CCND3: variants seen among roughly 807,000 people sequenced by gnomAD.
CCND3 encodes G1/S-specific cyclin-D3.
CCND3 carries 9 observed loss-of-function variants against 28.7 expected under a neutral mutation model. The observed-to-expected ratio is 0.31, with a 90% CI of 0.19 to 0.55. CCND3 has a LOEUF of 0.55. Ranked by LOEUF, CCND3 falls within the 20% of genes least tolerant of loss-of-function variation. CCND3 has a pLI of 0.93. For synonymous variants in CCND3, 164 were observed against 163.9 expected, an observed-to-expected ratio of 1.00 and a Z score of 0.00; for missense variants, 315 against 385.8, an observed-to-expected ratio of 0.82 and a Z score of 1.54.
intron 1 of CCND3, among the ~76,000 whole-genome samples, chr6:41,961,212 G>A (rs548844398): frequency 6.6e-6 from 1 of 152,222 alleles, no homozygotes; most frequent in East Asian, 1.9e-4. Context: ...GGTGGCTCAC[G>A]CCTGTAATCC....
chr6:41,949,788 C>T lies in CCND3; in HGVS notation c.-45-9203G>A, dbSNP rs186985563. On this transcript the variant is annotated intron_variant, in intron 1 of 4. Coordinates refer to the CCND3 transcript ENST00000372988. ...AGCCTGAAACTGTCAAGTCTCTCCTCATAAAATAAGAATACAACCTACAGG... is the reference window on the plus strand; with the variant it reads ...AGCCTGAAACTGTCAAGTCTCTCCTTATAAAATAAGAATACAACCTACAGG... Among the ~76,000 whole-genome samples the T allele has an allele frequency of 3.5e-3, 532 of 151,816 alleles. 2 individuals carry two copies. The highest frequency in any genetic ancestry group is 8.6e-3 in the Admixed American group (131 of 15,238).
At chr6:41,946,595 C>CAAAAA (rs35369019), upstream of CCND3, among the ~76,000 whole-genome samples, 373 of 20,920 alleles carry the variant, frequency 0.018, 98 homozygotes, top group African/African-American at 0.036. Flanking sequence ...AGACCTGTCT[C>CAAAAA]AAAAAAAAAA....
intron 1 of CCND3, among the ~76,000 whole-genome samples, chr6:42,021,749 T>G (rs1251781494): frequency 6.6e-6 from 1 of 152,152 alleles, no homozygotes; most frequent in Non-Finnish European, 1.5e-5. Context: ...CAGGATCTAT[T>G]AGATCTAGCT....
chr6:41,959,679 T>TAAAAAA (rs1761653032), intron 1 of CCND3, among the ~76,000 whole-genome samples: 2 of 147,120 alleles, frequency 1.4e-5, no homozygotes, highest in East Asian at 4.1e-4. Flanking sequence ...ACAGCAAGAC[T>TAAAAAA]AAATCAGGCC....
rs1247447245 is a variant in CCND3, at chr6:42,019,801, ATTTAG to A, written c.-46+28695_-46+28699del. Among the ~76,000 whole-genome samples, 8 of 152,260 alleles carry A rather than the reference ATTTAG, an allele frequency of 5.3e-5. No homozygotes were observed. The East Asian group carries it at 1.5e-3, about 29-fold the overall frequency. ...TATATTTATAATTACAATTTTTACT[ATTTAG>A]TTTAAAAGTTAAATCTAAAAATTAA... is the stretch of plus-strand genomic sequence containing the variant. On this transcript the variant is annotated intron_variant, in intron 1 of 4. Transcript: ENST00000372988.
chr6:42,049,117 C>A (rs913563821), upstream of CCND3: 4 of 158,960 alleles, frequency 2.5e-5, no homozygotes, highest in South Asian at 1.8e-4. Flanking sequence ...CTCACTGCAA[C>A]CTCCGCCTCC....
intron 1 of CCND3, among the ~76,000 whole-genome samples, chr6:42,027,166 G>A (rs995194741): frequency 2.6e-4 from 40 of 152,184 alleles, no homozygotes; most frequent in Admixed American, 1.3e-4. Flanking sequence ...TAGGCCGGGC[G>A]CGGTGGCTCA....
intron 1 of CCND3, among the ~76,000 whole-genome samples, chr6:42,018,759 C>T (rs900137040): frequency 2.6e-5 from 4 of 151,710 alleles, no homozygotes; most frequent in African/African-American, 9.7e-5. Context: ...GGTATGGTGG[C>T]ACATGCCTGT....
chr6:42,019,979 T>C (rs911647610), intron 1 of CCND3, among the ~76,000 whole-genome samples: 6 of 152,188 alleles, frequency 3.9e-5, no homozygotes, highest in East Asian at 1.9e-4. Context: ...AATCATCTTA[T>C]AATTTTTTTA....
intron 1 of CCND3, among the ~76,000 whole-genome samples, chr6:41,982,941 A>G (rs1328090483): frequency 6.6e-6 from 1 of 152,270 alleles, no homozygotes; most frequent in East Asian, 1.9e-4. Context: ...ACTAAGGTCA[A>G]CTAAAAATGG....
At chr6:41,970,032 C>T (rs1238021013) in intron 1 of CCND3, among the ~76,000 whole-genome samples, 1 of 151,828 alleles carries the variant, frequency 6.6e-6, no homozygotes, top group South Asian at 2.1e-4. Flanking sequence ...AGCAGGACCT[C>T]GTATCTAAGA....
intron 1 of CCND3, chr6:41,940,833 C>T (rs1582088446): frequency 2.8e-6 from 3 of 1,080,444 alleles, no homozygotes; most frequent in East Asian, 2.4e-5. Flanking sequence ...CCCTTGCTCA[C>T]GGAGGATTCC....
rs577461402 is a variant in CCND3 at position 41,939,713 on chromosome 6, G to C, written c.414+657C>G. Among the ~76,000 whole-genome samples the C allele has an allele frequency of 1.3e-5, 2 of 152,286 alleles. No individual in the cohort carries two copies. Among genetic ancestry groups the C allele is most frequent in the African/African-American group, 2.4e-5 (1 of 41,546 alleles). On this transcript the variant is annotated intron_variant, in intron 2 of 4. Transcript: ENST00000372991. This position sits in a 1 kb window ranked among gnomAD's most constrained non-coding sequence, Gnocchi z 4.2. ...CCCTCAGCTTGGGCCTTGGGCTAAG[G>C]GGGGAAGAGGGAGCTGTTTCCACCA...
At chr6:42,018,426 A>G (rs942938051) in intron 1 of CCND3, 2 of 151,962 alleles carry the variant, frequency 1.3e-5, no homozygotes, top group African/African-American at 4.8e-5. Context: ...GGAACGCTTC[A>G]CGAATTTGCA....
chr6:42,026,473 G>T (rs1763879849), intron 1 of CCND3, among the ~76,000 whole-genome samples: 2 of 152,072 alleles, frequency 1.3e-5, no homozygotes, highest in Admixed American at 1.3e-4. Context: ...GGGGGTTCTG[G>T]TCCCTCTGCT....
Position 41,941,182 on chromosome 6 carries a change from G to A in CCND3, c.198+270C>T. 2 of 1,447,662 alleles carry A rather than the reference G, an allele frequency of 1.4e-6. No individual in the cohort carries two copies. The highest frequency in any genetic ancestry group is 1.8e-6 in the Non-Finnish European group (2 of 1,105,922). 89.7% of individuals were successfully genotyped at this position (1,447,662 alleles called of 1,614,324 possible). The stretch of plus-strand genomic sequence containing the variant: ...AGACGCTGTGAGAAGCCGAAGGGGA[G>A]AGAGTGTCCTTGGTCCCGTTTGCTC... On this transcript the variant is annotated intron_variant, in intron 1 of 4. Coordinates refer to ENST00000372991, the MANE Select transcript of CCND3 (RefSeq NM_001760.5). This position sits in a 1 kb window ranked among gnomAD's most constrained non-coding sequence, Gnocchi z 6.1.
rs5875782 is a variant in CCND3, at chr6:42,027,439, C to CAA, written c.-46+21060_-46+21061dup. Among the ~76,000 whole-genome samples the CAA allele has an allele frequency of 2.3e-4, 30 of 132,224 alleles. 1 individual carries two copies. Among genetic ancestry groups the CAA allele is most frequent in the Admixed American group, 9.1e-4 (12 of 13,138 alleles). The allele number at this position is 132,224 out of a possible 152,430, so 86.7% of individuals were successfully genotyped here. A position where few individuals can be genotyped will look rare whatever the true frequency, so the allele number is the denominator to read the frequency against. On this transcript the variant is annotated intron_variant, in intron 1 of 4. Transcript: ENST00000372988. ...TGAGTGAGAGAGCGAGGCTCCATCT[C>CAA]AAAAAAAAAAAAAAAAAAGACACCC...
At position 41,999,978 on chromosome 6, in the gene CCND3, G is replaced by A. The variant is rs1426574269; in HGVS notation, c.-46+48523C>T. Among the ~76,000 whole-genome samples the A allele has an allele frequency of 2.6e-5, 4 of 152,010 alleles. No individual in the cohort carries two copies. In the East Asian group the frequency reaches 5.8e-4, roughly 22 times the overall value. On this transcript the variant is annotated intron_variant, in intron 1 of 4. Transcript: ENST00000372988. ...TTGATAGAGAGGGCACACAAAATTCGGTAGGGATTTAGATGATTTCACCAT... is the reference window on the plus strand; with the variant it reads ...TTGATAGAGAGGGCACACAAAATTCAGTAGGGATTTAGATGATTTCACCAT...
chr6:42,020,269 G>A lies in CCND3; in HGVS notation c.-46+28232C>T, dbSNP rs1458121921. ...TGCACTCCAGCCTGGGCGGCAGAGC[G>A]AGACTCTGTCTCAAAAAAAAAGAAA... On this transcript the variant is annotated intron_variant, in intron 1 of 4. Coordinates refer to the CCND3 transcript ENST00000372988. Among the ~76,000 whole-genome samples the A allele has an allele frequency of 5.3e-5, 8 of 152,108 alleles. 1 individual carries two copies. The South Asian group carries it at 6.2e-4, about 12-fold the overall frequency.
Sources: gnomAD v4.1 joint callset for allele counts (sites outside exome capture counted in the v4.1 genomes callset) on GRCh38, gnomAD v4.1.1 for gene constraint, Gnocchi (gnomAD v3.1) non-coding constraint, MANE v1.5 for transcripts, NCBI Gene and HGNC (gene_info 2026-07-23, HGNC 2026-07-21) for gene names.